The following GRID1 variants were observed in gnomAD, a reference collection of about 807,000 sequenced individuals.
GRID1 encodes glutamate receptor ionotropic, delta-1.
GRID1 carries 28 observed loss-of-function variants against 98.0 expected under a neutral mutation model. That is an observed-to-expected ratio of 0.29 (90% CI 0.21 to 0.39). The LOEUF is 0.39. GRID1 is among the 10% of genes least tolerant of loss of function. The pLI is 1.00. For synonymous variants in GRID1, 553 were observed against 538.5 expected (o/e 1.03, Z -0.37); for missense variants, 1,111 against 1,340.5 (o/e 0.83, Z 2.67).
intron 4 of GRID1, among the ~76,000 whole-genome samples, chr10:86,026,648 T>C (rs138128123): frequency 1.3e-5 from 2 of 152,328 alleles, no homozygotes; most frequent in East Asian, 3.9e-4. Context: ...CAGCTTCTAC[T>C]CTTTGCCAGA....
Position 86,000,570 on chromosome 10 carries a change from T to C in GRID1, c.727-84331A>G, listed in dbSNP as rs144732621. Among the ~76,000 whole-genome samples, 513 of 152,290 alleles carry C rather than the reference T, an allele frequency of 3.4e-3. 2 individuals are homozygous for C. Among genetic ancestry groups the C allele is most frequent in the African/African-American group, 0.012 (486 of 41,558 alleles). ...AAACAGCATGGTATTGGTGAAGGGA[T>C]AGACAAATGTATCAGTGGAATAGAA... On this transcript the variant is annotated intron_variant, in intron 4 of 15. Coordinates refer to ENST00000327946, the MANE Select transcript of GRID1 (RefSeq NM_017551.3).
intron 4 of GRID1, among the ~76,000 whole-genome samples, chr10:86,132,697 C>T (rs1030896430): frequency 3.3e-5 from 5 of 152,312 alleles, no homozygotes; most frequent in African/African-American, 1.2e-4. Flanking sequence ...GTTGAGATTG[C>T]TAATTTACCT....
Position 85,599,788 on chromosome 10 carries a change from T to TAAAAAAAAAAAAAAAAAAAAAAA in GRID1, c.*2484_*2485insTTTTTTTTTTTTTTTTTTTTTTT, listed in dbSNP as rs1220249442. On this transcript the variant is annotated 3_prime_UTR_variant, in exon 16 of 16. Transcript: ENST00000327946. The stretch of plus-strand genomic sequence containing the variant: ...CCCTCATGCCAAGGGTAGAAAATTC[T>TAAAAAAAAAAAAAAAAAAAAAAA]AAAAAAAAAAAAAAATATATATATA... 4 of 76,110 alleles carry TAAAAAAAAAAAAAAAAAAAAAAA rather than the reference T, an allele frequency of 5.3e-5. No homozygotes were observed. The highest frequency in any genetic ancestry group is 9.0e-5 in the Non-Finnish European group (4 of 44,656). 4.7% of individuals were successfully genotyped at this position (76,110 alleles called of 1,614,324 possible). A position where few individuals can be genotyped will look rare whatever the true frequency, so the allele number is the denominator to read the frequency against.
intron 5 of GRID1, among the ~76,000 whole-genome samples, chr10:85,909,759 G>C (rs936689662): frequency 6.6e-6 from 1 of 152,140 alleles, no homozygotes; most frequent in Admixed American, 6.5e-5. Context: ...GGGTGAGAGT[G>C]GGCCAGGAGG....
chr10:86,220,196 T>C (rs1846232924), intron 2 of GRID1, among the ~76,000 whole-genome samples: 1 of 152,200 alleles, frequency 6.6e-6, no homozygotes, highest in Non-Finnish European at 1.5e-5. Flanking sequence ...CACTCCTTCT[T>C]GGCCCCTTTG....
intron 8 of GRID1, among the ~76,000 whole-genome samples, chr10:85,735,851 A>G (rs1841875004): frequency 7.5e-6 from 1 of 133,694 alleles, no homozygotes; most frequent in African/African-American, 2.6e-5. Context: ...GAAGGGAGGA[A>G]GGAAGGAAGG....
At chr10:85,693,133 T>C (rs1215739439) in intron 12 of GRID1, among the ~76,000 whole-genome samples, 1 of 149,152 alleles carries the variant, frequency 6.7e-6, no homozygotes, top group Non-Finnish European at 1.5e-5. Context: ...ATAAACTAAG[T>C]AGTCATCAAG....
chr10:85,704,008 T>A (rs902771440), intron 12 of GRID1, among the ~76,000 whole-genome samples: 1 of 152,182 alleles, frequency 6.6e-6, no homozygotes, highest in Non-Finnish European at 1.5e-5. Context: ...TGGCTGGATA[T>A]GAAATTCTGG....
intron 2 of GRID1, among the ~76,000 whole-genome samples, chr10:86,226,814 C>T (rs1846358391): frequency 6.6e-6 from 1 of 150,988 alleles, no homozygotes; most frequent in Non-Finnish European, 1.5e-5. Flanking sequence ...CCCCCTAAAC[C>T]AGCTGGCGGT....
At chr10:85,762,550 CA>C (rs1224261998) in intron 8 of GRID1, among the ~76,000 whole-genome samples, 1 of 152,106 alleles carries the variant, frequency 6.6e-6, no homozygotes, top group African/African-American at 2.4e-5. Flanking sequence ...CAGTCTGCCC[CA>C]ATGTGGGAAC....
intron 3 of GRID1, among the ~76,000 whole-genome samples, chr10:86,202,962 G>C (rs1845974924): frequency 6.6e-6 from 1 of 152,204 alleles, no homozygotes; most frequent in South Asian, 2.1e-4. Flanking sequence ...GGAAGCTAGA[G>C]CCTAGTAAGT....
intron 2 of GRID1, among the ~76,000 whole-genome samples, chr10:86,320,402 T>C (rs946936390): frequency 6.6e-6 from 1 of 152,154 alleles, no homozygotes; most frequent in Admixed American, 6.5e-5. Flanking sequence ...CGGATGAACC[T>C]TGAAAACCTC....
chr10:85,675,983 A>C (rs1841140622), intron 12 of GRID1, among the ~76,000 whole-genome samples: 1 of 152,110 alleles, frequency 6.6e-6, no homozygotes, highest in Admixed American at 6.5e-5. Flanking sequence ...GCCTTTGGCA[A>C]ATTCTGCCTC....
At chr10:85,807,187 TA>T in intron 8 of GRID1, among the ~76,000 whole-genome samples, 1 of 151,866 alleles carries the variant, frequency 6.6e-6, no homozygotes, top group East Asian at 1.9e-4. Flanking sequence ...CCATCTCTAC[TA>T]AAAATACAAA....
intron 5 of GRID1, among the ~76,000 whole-genome samples, chr10:85,893,985 A>C (rs1841242393): frequency 6.6e-6 from 1 of 152,242 alleles, no homozygotes; most frequent in South Asian, 2.1e-4. Flanking sequence ...GAAAATGTGA[A>C]GAACCTAGAA....
chr10:86,200,481 G>A (rs1428547493), intron 3 of GRID1, among the ~76,000 whole-genome samples: 1 of 152,206 alleles, frequency 6.6e-6, no homozygotes, highest in African/African-American at 2.4e-5. Flanking sequence ...GCAGGGGAGG[G>A]CAGGCACAGC....
Position 86,259,054 on chromosome 10 carries a change from C to A in GRID1, c.236-52406G>T, listed in dbSNP as rs147037804. Among the ~76,000 whole-genome samples the A allele has an allele frequency of 9.2e-4, 140 of 152,332 alleles. 1 individual carries two copies. Among genetic ancestry groups the A allele is most frequent in the African/African-American group, 3.1e-3 (130 of 41,574 alleles). On this transcript the variant is annotated intron_variant, in intron 2 of 15. Transcript: ENST00000327946. ...TTAAATTTCAAAGAAAAAGAGAGAA[C>A]CTCTGATGAGGAAAACAGAGCAGCT...
At position 85,746,543 on chromosome 10, in the gene GRID1, C is replaced by T. The variant is rs578258278; in HGVS notation, c.1234-16929G>A. Reference sequence around the variant, plus strand: ...ACTTCTGAGTCTACATTCTAAATGGCCTTCAATTTCCACTTATGACCGTTG... The same window carrying T: ...ACTTCTGAGTCTACATTCTAAATGGTCTTCAATTTCCACTTATGACCGTTG... On this transcript the variant is annotated intron_variant, in intron 8 of 15. Transcript: ENST00000327946. Among the ~76,000 whole-genome samples, 58 of 152,226 alleles carry T rather than the reference C, an allele frequency of 3.8e-4. No individual in the cohort carries two copies. The South Asian group carries it at 0.012, about 30-fold the overall frequency.
At chr10:85,876,983 G>A (rs186805463) in intron 5 of GRID1, among the ~76,000 whole-genome samples, 25 of 152,324 alleles carry the variant, frequency 1.6e-4, no homozygotes, top group East Asian at 1.2e-3. Context: ...AGGGTCCTAC[G>A]CCCACGGAGT....
Sources: allele counts gnomAD v4.1 joint callset (sites outside exome capture counted in the v4.1 genomes callset), GRCh38; gene constraint gnomAD v4.1.1; transcripts MANE v1.5; gene names NCBI Gene and HGNC (gene_info 2026-07-23, HGNC 2026-07-21).